Variants in RBMS3 observed in about 807,000 individuals in gnomAD.
The protein encoded by RBMS3 is RNA binding motif single stranded interacting protein 3.
RBMS3 carries 27 observed loss-of-function variants against 66.8 expected under a neutral mutation model. The ratio of observed to expected loss-of-function variants is 0.40; its 90% confidence interval spans 0.30 to 0.56. The LOEUF is 0.56. RBMS3 is among the 20% of genes least tolerant of loss of function. The pLI is 0.40. For missense variants in RBMS3, 513 were observed against 549.5 expected, an observed-to-expected ratio of 0.93 and a Z score of 0.66; for synonymous variants, 188 against 183.0, an observed-to-expected ratio of 1.03 and a Z score of -0.22.
intron 6 of RBMS3, among the ~76,000 whole-genome samples, chr3:29,841,244 A>G (rs1394805143): frequency 3.3e-5 from 5 of 151,740 alleles, no homozygotes; most frequent in Non-Finnish European, 7.4e-5. Context: ...TTAGCCCTCG[A>G]TTTGTTGTGT....
intron 6 of RBMS3, among the ~76,000 whole-genome samples, chr3:29,854,799 C>G (rs1237324998): frequency 6.6e-6 from 1 of 152,104 alleles, no homozygotes; most frequent in Non-Finnish European, 1.5e-5. Context: ...CCTTGTTAAA[C>G]AGATCATAAT....
intron 1 of RBMS3, among the ~76,000 whole-genome samples, chr3:29,413,123 C>G (rs1371442311): frequency 6.6e-6 from 1 of 152,174 alleles, no homozygotes; most frequent in Non-Finnish European, 1.5e-5. Flanking sequence ...GTAATCCCAG[C>G]ACTTTGGGAG....
rs1011927824 is a variant in RBMS3 at position 30,007,763 on chromosome 3, G to C, written c.*3901G>C. On this transcript the variant is annotated 3_prime_UTR_variant, in exon 15 of 15. Coordinates refer to ENST00000383767, the MANE Select transcript of RBMS3 (RefSeq NM_001003793.3). ...CTCTACCTGACTCTAGTTTTGCGAG[G>C]ATTAGTTTGTTTCCTTGGTAGATTT... The C allele has an allele frequency of 2.0e-5, 3 of 151,972 alleles. No homozygotes were observed. The highest frequency in any genetic ancestry group is 7.2e-5 in the African/African-American group (3 of 41,398). The allele number at this position is 151,972 out of a possible 1,614,324, so 9.4% of individuals were successfully genotyped here.
intron 2 of RBMS3, among the ~76,000 whole-genome samples, chr3:29,476,559 A>C (rs2042954915): frequency 1.3e-5 from 2 of 152,220 alleles, no homozygotes; most frequent in African/African-American, 4.8e-5. Context: ...TTGGAGTGAC[A>C]AATAACAGCT....
At chr3:29,661,832 T>G (rs971253307) in intron 4 of RBMS3, among the ~76,000 whole-genome samples, 1 of 152,186 alleles carries the variant, frequency 6.6e-6, no homozygotes, top group African/African-American at 2.4e-5. Context: ...CCTATCCTGC[T>G]GCTGTATTTC....
intron 1 of RBMS3, among the ~76,000 whole-genome samples, chr3:29,283,747 C>G (rs1157430538): frequency 6.6e-6 from 1 of 152,154 alleles, no homozygotes; most frequent in Non-Finnish European, 1.5e-5. Context: ...TTTTGCCTAT[C>G]ATGGTAGTTC....
chr3:29,872,306 G>C (rs1460096242), intron 7 of RBMS3, among the ~76,000 whole-genome samples: 1 of 151,948 alleles, frequency 6.6e-6, no homozygotes, highest in Non-Finnish European at 1.5e-5. Context: ...GCAATTTTTT[G>C]AGAAAAGTGG....
chr3:29,697,150 G>A (rs181398045), intron 4 of RBMS3: 61 of 969,760 alleles, frequency 6.3e-5, no homozygotes, highest in Admixed American at 5.5e-4. Flanking sequence ...ACAGTAATAT[G>A]GATCTAAGTT....
chr3:29,379,574 A>G (rs943686826), intron 1 of RBMS3, among the ~76,000 whole-genome samples: 3 of 152,154 alleles, frequency 2.0e-5, no homozygotes, highest in Admixed American at 6.5e-5. Flanking sequence ...TTTTAAAACT[A>G]TCAGATGTCA....
chr3:29,723,846 T>A (rs2053746597), intron 4 of RBMS3, among the ~76,000 whole-genome samples: 1 of 152,194 alleles, frequency 6.6e-6, no homozygotes, highest in Admixed American at 6.5e-5. Context: ...TACTGCAGGT[T>A]CCCAATTGTA....
chr3:29,434,372 G>A (rs1430188604), intron 1 of RBMS3, among the ~76,000 whole-genome samples: 1 of 152,190 alleles, frequency 6.6e-6, no homozygotes, highest in Non-Finnish European at 1.5e-5. Context: ...GGTATTAAAG[G>A]TAAGCTAGGG....
chr3:29,527,468 T>C (rs972576940), intron 3 of RBMS3, among the ~76,000 whole-genome samples: 1 of 152,198 alleles, frequency 6.6e-6, no homozygotes, highest in African/African-American at 2.4e-5. Flanking sequence ...CCTGAATTTT[T>C]GCTGAGCAAC....
At chr3:29,338,898 C>G (rs920023197) in intron 1 of RBMS3, among the ~76,000 whole-genome samples, 1 of 152,144 alleles carries the variant, frequency 6.6e-6, no homozygotes, top group South Asian at 2.1e-4. Context: ...TTGAGTGGAA[C>G]AGCATCATCA....
intron 12 of RBMS3, among the ~76,000 whole-genome samples, chr3:29,956,812 T>C (rs1216861055): frequency 6.6e-6 from 1 of 152,108 alleles, no homozygotes; most frequent in Non-Finnish European, 1.5e-5. Context: ...CAGGACATGT[T>C]TGAAATCCTT....
intron 6 of RBMS3, among the ~76,000 whole-genome samples, chr3:29,794,038 C>T (rs991635067): frequency 2.0e-5 from 3 of 152,190 alleles, no homozygotes; most frequent in Non-Finnish European, 4.4e-5. Flanking sequence ...GCTTCCCCTT[C>T]GTCTTCTGCC....
chr3:29,296,797 A>C (rs1273476904), intron 1 of RBMS3, among the ~76,000 whole-genome samples: 1 of 151,690 alleles, frequency 6.6e-6, no homozygotes, highest in African/African-American at 2.4e-5. Flanking sequence ...ACTTAATCAC[A>C]TCTTTCCAAG....
intron 5 of RBMS3, among the ~76,000 whole-genome samples, chr3:29,748,027 A>G (rs955715720): frequency 1.3e-5 from 2 of 152,226 alleles, no homozygotes; most frequent in African/African-American, 4.8e-5. Context: ...TAATGAAAAT[A>G]TTACAAAAAC....
intron 12 of RBMS3, among the ~76,000 whole-genome samples, chr3:29,971,740 A>G (rs1207611370): frequency 6.6e-6 from 1 of 152,182 alleles, no homozygotes; most frequent in Admixed American, 6.6e-5. Context: ...TAAGAGCTTT[A>G]GCAGAGGTAC....
At chr3:29,598,137 C>T (rs923569322) in intron 4 of RBMS3, among the ~76,000 whole-genome samples, 1 of 152,040 alleles carries the variant, frequency 6.6e-6, no homozygotes, top group Non-Finnish European at 1.5e-5. Context: ...CGGAAATATC[C>T]ATAGTTAGAC....
Sources: allele counts gnomAD v4.1 joint callset (sites outside exome capture counted in the v4.1 genomes callset), GRCh38; gene constraint gnomAD v4.1.1; transcripts MANE v1.5; gene names NCBI Gene and HGNC (gene_info 2026-07-23, HGNC 2026-07-21).